Variants in STPG2 observed in about 807,000 individuals in gnomAD.
STPG2 encodes sperm tail PG-rich repeat containing 2.
STPG2 carries 56 observed loss-of-function variants against 54.2 expected under a neutral mutation model. The observed-to-expected ratio is 1.03, with a 90% CI of 0.83 to 1.29. STPG2 has a LOEUF of 1.29. STPG2 is among the 50% of genes most tolerant of loss of function. The pLI, the probability that STPG2 is intolerant of heterozygous loss-of-function variation, is 0.00. For synonymous variants in STPG2, 200 were observed against 181.8 expected (o/e 1.10, Z -0.81); for missense variants, 596 against 544.9 (o/e 1.09, Z -0.93).
At chr4:98,103,120 A>C (rs1345644228) in intron 5 of STPG2, among the ~76,000 whole-genome samples, 2 of 151,784 alleles carry the variant, frequency 1.3e-5, no homozygotes, top group Non-Finnish European at 2.9e-5. Flanking sequence ...TCTTCTTTTA[A>C]ACAGTTATTG....
Position 97,481,253 on chromosome 4 carries a change from G to A in STPG2, c.462+231446C>T, listed in dbSNP as rs150886398. On this transcript the variant is annotated intron_variant, in intron 4 of 4. Coordinates refer to the STPG2 transcript ENST00000522676. ...CCTGAATTCTGCTTCCCTTATCTAC[G>A]TGTATTCAAACTATTTTGATATCTG... Among the ~76,000 whole-genome samples, 636 of 151,450 alleles carry A rather than the reference G, an allele frequency of 4.2e-3. 3 individuals are homozygous for A. Among genetic ancestry groups the A allele is most frequent in the South Asian group, 0.02 (98 of 4,830 alleles).
chr4:97,593,026 C>T (rs901911343), intron 10 of STPG2, among the ~76,000 whole-genome samples: 1 of 152,146 alleles, frequency 6.6e-6, no homozygotes, highest in Non-Finnish European at 1.5e-5. Flanking sequence ...ACAGAACAGT[C>T]TTGCCTTTGA....
At chr4:98,004,041 C>T (rs568065855) in intron 5 of STPG2, among the ~76,000 whole-genome samples, 2 of 118,844 alleles carry the variant, frequency 1.7e-5, no homozygotes, top group African/African-American at 5.5e-5. Context: ...TTAAGAGCTA[C>T]TCTTTTAGCA....
chr4:97,842,224 T>C (rs1470987588), intron 8 of STPG2, among the ~76,000 whole-genome samples: 1 of 151,824 alleles, frequency 6.6e-6, no homozygotes, highest in Non-Finnish European at 1.5e-5. Flanking sequence ...ACTTCTGGTT[T>C]GAGTCCCATG....
At chr4:97,787,853 A>G (rs1376107074) in intron 9 of STPG2, among the ~76,000 whole-genome samples, 1 of 151,628 alleles carries the variant, frequency 6.6e-6, no homozygotes, top group Non-Finnish European at 1.5e-5. Flanking sequence ...TAGCTATTTT[A>G]TATAAGCTGT....
chr4:98,086,666 G>GACAAAAA (rs1738524403), intron 5 of STPG2, among the ~76,000 whole-genome samples: 1 of 94,926 alleles, frequency 1.1e-5, no homozygotes, highest in Admixed American at 1.2e-4. Context: ...ATGCATGCCA[G>GACAAAAA]AAAAAAAAAA....
At chr4:97,555,133 G>C (rs897730951), downstream of STPG2, among the ~76,000 whole-genome samples, 1 of 152,018 alleles carries the variant, frequency 6.6e-6, no homozygotes, top group Non-Finnish European at 1.5e-5. Flanking sequence ...TTGTTCTATG[G>C]TGCTTTTCTG....
intron 5 of STPG2, among the ~76,000 whole-genome samples, chr4:98,091,663 A>T (rs1271910996): frequency 6.6e-6 from 1 of 151,372 alleles, no homozygotes; most frequent in Non-Finnish European, 1.5e-5. Flanking sequence ...TCATCTTTCT[A>T]TCCACAGCAT....
chr4:97,836,924 C>T (rs1397516523), intron 9 of STPG2, among the ~76,000 whole-genome samples: 1 of 150,072 alleles, frequency 6.7e-6, no homozygotes, highest in Non-Finnish European at 1.5e-5. Flanking sequence ...TAATATTAAG[C>T]TCTATGAAAC....
chr4:98,061,689 GA>G (rs758030049), intron 5 of STPG2, among the ~76,000 whole-genome samples: 62 of 152,006 alleles, frequency 4.1e-4, no homozygotes, highest in Admixed American at 1.6e-3. Flanking sequence ...ACAATCAAAT[GA>G]AAAAAGCTCA....
chr4:98,022,576 T>C (rs1286833204), intron 5 of STPG2, among the ~76,000 whole-genome samples: 1 of 151,954 alleles, frequency 6.6e-6, no homozygotes, highest in Non-Finnish European at 1.5e-5. Context: ...CCTTGCTAGA[T>C]TGGGGAAGTT....
intron 9 of STPG2, among the ~76,000 whole-genome samples, chr4:97,784,069 A>T (rs935657049): frequency 2.9e-5 from 4 of 138,488 alleles, no homozygotes; most frequent in Admixed American, 7.1e-5. Context: ...AAGTATAATT[A>T]AAAAAAAAAA....
intron 8 of STPG2, among the ~76,000 whole-genome samples, chr4:97,916,093 C>T (rs1487575136): frequency 6.6e-6 from 1 of 152,034 alleles, no homozygotes; most frequent in Non-Finnish European, 1.5e-5. Flanking sequence ...TCCTGATTTG[C>T]CTGGGATATG....
At chr4:97,857,409 T>A (rs1378046625) in intron 8 of STPG2, among the ~76,000 whole-genome samples, 12 of 152,168 alleles carry the variant, frequency 7.9e-5, no homozygotes, top group Non-Finnish European at 1.8e-4. Context: ...TTTCCAGGAA[T>A]CTAATTATTT....
chr4:97,946,970 G>A (rs1852545), intron 7 of STPG2, among the ~76,000 whole-genome samples: 59,276 of 151,852 alleles, frequency 0.39, 11,686 homozygotes, highest in Middle Eastern at 0.46. Context: ...TGAATCTGTC[G>A]ATTGCTTTGG....
chr4:97,611,718 G>T (rs969671561), intron 10 of STPG2, among the ~76,000 whole-genome samples: 16 of 151,578 alleles, frequency 1.1e-4, no homozygotes, highest in African/African-American at 3.9e-4. Context: ...AATCAGTGGG[G>T]AAAATATGAG....
intron 10 of STPG2, among the ~76,000 whole-genome samples, chr4:97,590,646 C>CAG (rs750730170): frequency 2.2e-4 from 32 of 147,602 alleles, no homozygotes; most frequent in Non-Finnish European, 3.4e-4. Context: ...CAGACACACA[C>CAG]ACACACACAC....
chr4:97,639,339 T>A (rs941560875), intron 10 of STPG2, among the ~76,000 whole-genome samples: 1 of 149,028 alleles, frequency 6.7e-6, no homozygotes, highest in Non-Finnish European at 1.5e-5. Flanking sequence ...CTCTGGGGAC[T>A]GTTGTGGGGT....
At chr4:97,827,311 C>T (rs1420864250) in intron 9 of STPG2, among the ~76,000 whole-genome samples, 2 of 149,956 alleles carry the variant, frequency 1.3e-5, no homozygotes, top group Non-Finnish European at 3.0e-5. Context: ...TCTCGGCTCA[C>T]TGCAAGCTCC....
Sources: allele counts gnomAD v4.1 joint callset (sites outside exome capture counted in the v4.1 genomes callset), GRCh38; gene constraint gnomAD v4.1.1; transcripts MANE v1.5; gene names NCBI Gene and HGNC (gene_info 2026-07-23, HGNC 2026-07-21).